Variants in SMIM35 observed in about 807,000 individuals in gnomAD.
SMIM35 encodes small integral membrane protein 35, also known as TMPRSS4 antisense RNA 1 (non-protein coding).
intron 4 of SMIM35, among the ~76,000 whole-genome samples, chr11:118,010,616 G>A (rs1451472361): frequency 6.6e-6 from 1 of 152,184 alleles, no homozygotes; most frequent in Non-Finnish European, 1.5e-5. Flanking sequence ...GATCAAAATG[G>A]TTGGTGTCAA....
At chr11:118,078,023 A>C (rs1489653650) in intron 1 of SMIM35, among the ~76,000 whole-genome samples, 1 of 37,418 alleles carries the variant, frequency 2.7e-5, no homozygotes, top group Non-Finnish European at 5.0e-5. Context: ...CAAAAAAAAA[A>C]AAAAAAAAAA....
intron 1 of SMIM35, among the ~76,000 whole-genome samples, chr11:118,038,011 C>T (rs957466691): frequency 2.0e-5 from 3 of 152,282 alleles, no homozygotes; most frequent in Admixed American, 6.5e-5. Context: ...TGCTGTGGGG[C>T]TGAGGGTGAT....
At chr11:118,083,413 C>T (rs755180309) in intron 1 of SMIM35, among the ~76,000 whole-genome samples, 1 of 152,138 alleles carries the variant, frequency 6.6e-6, no homozygotes, top group Non-Finnish European at 1.5e-5. Context: ...TGGTCACTGT[C>T]CCCAGATGCG....
chr11:118,047,308 C>G lies in SMIM35; in HGVS notation c.8-31499G>C, dbSNP rs140800082. On this transcript the variant is annotated intron_variant, in intron 1 of 4. Transcript: ENST00000689828. ...TTAACTAAATTAACCAATTAACAAG[C>G]ATTCTAGAATACATACACTTGTTGT... 3.1e-3 allele frequency among the ~76,000 whole-genome samples: 478 copies of G among 152,334 alleles called. 4 individuals are homozygous for G. The highest frequency in any genetic ancestry group is 0.011 in the African/African-American group (458 of 41,562).
intron 1 of SMIM35, among the ~76,000 whole-genome samples, chr11:118,044,315 G>A (rs1186012413): frequency 5.4e-4 from 73 of 134,504 alleles, no homozygotes; most frequent in Non-Finnish European, 5.5e-4. Context: ...TGGCAGAATT[G>A]AAAAAAAAAA....
intron 1 of SMIM35, among the ~76,000 whole-genome samples, chr11:118,062,295 A>AC (rs1356694488): frequency 6.6e-6 from 1 of 152,134 alleles, no homozygotes; most frequent in East Asian, 1.9e-4. Flanking sequence ...GTGCCATTGC[A>AC]CCCCAGCCTG....
chr11:118,052,032 G>A (rs1780060758), intron 1 of SMIM35, among the ~76,000 whole-genome samples: 2 of 152,170 alleles, frequency 1.3e-5, no homozygotes, highest in African/African-American at 4.8e-5. Context: ...GACATGAGAG[G>A]TGTGAAAGTG....
At chr11:118,031,908 C>G (rs147658196) in intron 1 of SMIM35, 78 of 151,916 alleles carry the variant, frequency 5.1e-4, no homozygotes, top group African/African-American at 1.8e-3. Flanking sequence ...GAGGCTGAGA[C>G]AGGAGGATCT....
intron 1 of SMIM35, among the ~76,000 whole-genome samples, chr11:118,054,779 AT>A (rs1944284415): frequency 6.8e-6 from 1 of 146,646 alleles, no homozygotes; most frequent in South Asian, 2.2e-4. Flanking sequence ...TGTTTTCATT[AT>A]TTTTTCCAGA....
chr11:118,082,205 A>C (rs976160821), intron 1 of SMIM35, among the ~76,000 whole-genome samples: 1 of 152,182 alleles, frequency 6.6e-6, no homozygotes, highest in Non-Finnish European at 1.5e-5. Context: ...TTCACATCCA[A>C]AATCTCCCTT....
intron 1 of SMIM35, among the ~76,000 whole-genome samples, chr11:118,048,744 A>G (rs985459184): frequency 1.3e-5 from 2 of 151,922 alleles, no homozygotes; most frequent in African/African-American, 4.8e-5. Flanking sequence ...CAAAAAACAA[A>G]AAACACGGCC....
intron 2 of SMIM35, 101 bp downstream of exon 2, chr11:118,015,592 C>T (rs1017798255): frequency 2.5e-6 from 1 of 398,804 alleles, no homozygotes; most frequent in Non-Finnish European, 4.4e-6. Flanking sequence ...TTTTTCATCC[C>T]ACCATGCTGA....
intron 1 of SMIM35, among the ~76,000 whole-genome samples, chr11:118,047,506 T>A (rs1460392805): frequency 1.3e-5 from 2 of 152,110 alleles, no homozygotes; most frequent in Non-Finnish European, 2.9e-5. Context: ...ATCTTGGTGG[T>A]GGCTCAGGAC....
intron 1 of SMIM35, among the ~76,000 whole-genome samples, chr11:118,021,995 C>G (rs891487625): frequency 1.3e-4 from 20 of 150,314 alleles, no homozygotes; most frequent in African/African-American, 9.8e-5. Context: ...GAGCATTCAT[C>G]AAGACAGATC....
intron 1 of SMIM35, among the ~76,000 whole-genome samples, chr11:118,017,223 A>G (rs990048418): frequency 6.6e-6 from 1 of 152,254 alleles, no homozygotes; most frequent in Non-Finnish European, 1.5e-5. Context: ...TGGGTCCCAG[A>G]GAGAGCAACC....
At chr11:118,081,620 G>A (rs1223270284) in intron 1 of SMIM35, among the ~76,000 whole-genome samples, 1 of 152,252 alleles carries the variant, frequency 6.6e-6, no homozygotes, top group Admixed American at 6.5e-5. Context: ...CTGTCCAGGG[G>A]TGGCAGTCGC....
At chr11:118,019,608 A>G (rs1043476194) in intron 1 of SMIM35, among the ~76,000 whole-genome samples, 1 of 152,184 alleles carries the variant, frequency 6.6e-6, no homozygotes, top group African/African-American at 2.4e-5. Context: ...AATTTTAACT[A>G]ATATTTTAAT....
intron 1 of SMIM35, among the ~76,000 whole-genome samples, chr11:118,050,394 C>G (rs192286289): frequency 6.6e-6 from 1 of 152,352 alleles, no homozygotes; most frequent in Non-Finnish European, 1.5e-5. Flanking sequence ...AAAGCCAAGT[C>G]TGGCTCAAGT....
intron 4 of SMIM35, among the ~76,000 whole-genome samples, chr11:118,009,987 A>G: frequency 6.6e-6 from 1 of 152,242 alleles, no homozygotes; most frequent in African/African-American, 2.4e-5. Context: ...TGGTGCAGCC[A>G]GTAGCCAGTT....
Sources: gnomAD v4.1 joint callset for allele counts (sites outside exome capture counted in the v4.1 genomes callset) on GRCh38, gnomAD v4.1.1 for gene constraint, MANE v1.5 for transcripts, NCBI Gene and HGNC (gene_info 2026-07-23, HGNC 2026-07-21) for gene names.